The following NMBR variants were observed in gnomAD, a reference collection of about 807,000 sequenced individuals.
The protein encoded by NMBR is neuromedin B receptor, also known as neuromedin-B receptor.
Under a neutral mutation model 20.5 loss-of-function variants are expected in NMBR, and 16 were observed. The observed-to-expected ratio is 0.78, with a 90% CI of 0.53 to 1.19. The LOEUF (loss-of-function observed/expected upper bound fraction) is 1.19, where lower values mean the gene tolerates loss of function less well. NMBR is among the 50% of genes most tolerant of loss of function. The pLI is 0.00. For missense variants in NMBR, 582 were observed against 499.1 expected (o/e 1.17, Z -1.58); for synonymous variants, 212 against 196.6 (o/e 1.08, Z -0.65).
At chr6:142,142,996 G>C (rs987160954) in intron 1 of NMBR, among the ~76,000 whole-genome samples, 5 of 152,224 alleles carry the variant, frequency 3.3e-5, no homozygotes, top group South Asian at 2.1e-4. Context: ...GAGGTAAGAG[G>C]ATGACTTGAG....
chr6:142,098,168 T>C (rs1215398809), intron 1 of NMBR, among the ~76,000 whole-genome samples: 1 of 152,048 alleles, frequency 6.6e-6, no homozygotes, highest in African/African-American at 2.4e-5. Context: ...TAATGAAAGC[T>C]AAACCCTTCA....
chr6:142,108,869 C>T (rs1445675764), intron 1 of NMBR, among the ~76,000 whole-genome samples: 1 of 152,192 alleles, frequency 6.6e-6, no homozygotes, highest in African/African-American at 2.4e-5. Flanking sequence ...TCATCTGAGA[C>T]AAGGCAAGTT....
intron 1 of NMBR, among the ~76,000 whole-genome samples, chr6:142,102,117 G>C (rs370378467): frequency 6.6e-6 from 1 of 152,150 alleles, no homozygotes. Flanking sequence ...AGCTGGGCGC[G>C]GTGGCTCACG....
intron 1 of NMBR, among the ~76,000 whole-genome samples, chr6:142,143,605 C>T (rs1206428300): frequency 6.6e-6 from 1 of 152,154 alleles, no homozygotes; most frequent in Middle Eastern, 3.2e-3. Context: ...TAAACCATGT[C>T]GAGTAAGGCT....
chr6:142,084,805 C>G (rs1365316087), intron 2 of NMBR, among the ~76,000 whole-genome samples: 2 of 152,238 alleles, frequency 1.3e-5, no homozygotes, highest in East Asian at 3.9e-4. Context: ...ATAACTATAA[C>G]GCCAACCAGG....
intron 2 of NMBR, among the ~76,000 whole-genome samples, chr6:142,082,983 A>G (rs1777129176): frequency 1.3e-5 from 2 of 152,208 alleles, no homozygotes; most frequent in African/African-American, 4.8e-5. Flanking sequence ...GTGTGTCCCA[A>G]AAGTTTCAGA....
chr6:142,075,765 G>C lies in NMBR; in HGVS notation c.1056C>G (p.Ser352Arg). The C allele has an allele frequency of 6.2e-7, 1 of 1,614,076 alleles. No individual in the cohort carries two copies. Among genetic ancestry groups the C allele is most frequent in the South Asian group, 1.1e-5 (1 of 91,078 alleles). Residue 352 changes from serine (S) to arginine (R), a missense_variant, in exon 4 of 4, where the codon AGC (serine) becomes AGG (arginine). Coordinates refer to ENST00000258042, the MANE Select transcript of NMBR (RefSeq NM_002511.4). ...GCACCGCTGAAGAGCTGAGTAGGTA[G>C]CTGGTTCCTCTCTCTTGATAGGACT... ...GRKSYQERGT[S>R]YLLSSSAVRM...
chr6:142,105,273 C>T (rs987331676), intron 1 of NMBR, among the ~76,000 whole-genome samples: 6 of 152,042 alleles, frequency 3.9e-5, no homozygotes, highest in Admixed American at 2.6e-4. Flanking sequence ...CAGTTGCTTC[C>T]GGCCATCTGG....
chr6:142,116,818 G>A (rs1212286282), intron 1 of NMBR, among the ~76,000 whole-genome samples: 1 of 151,846 alleles, frequency 6.6e-6, no homozygotes, highest in Non-Finnish European at 1.5e-5. Flanking sequence ...TACTGTAAAT[G>A]TTATTCACTG....
rs534513651 is a variant in NMBR, at chr6:142,091,345, C to T, written c.-663-2024G>A. Among the ~76,000 whole-genome samples, 484 of 152,240 alleles carry T rather than the reference C, an allele frequency of 3.2e-3. 3 individuals carry two copies. Among genetic ancestry groups the T allele is most frequent in the African/African-American group, 0.011 (471 of 41,542 alleles). ...TCAAACAATTCTCCTGCCTCACCTT[C>T]CCCATGTAGCTGGGACCGCAAGTGT... is the stretch of plus-strand genomic sequence containing the variant. On this transcript the variant is annotated intron_variant, in intron 1 of 3. Coordinates refer to ENST00000258042, the MANE Select transcript of NMBR (RefSeq NM_002511.4).
At chr6:142,087,493 G>T (rs1019463097) in intron 2 of NMBR, among the ~76,000 whole-genome samples, 1 of 151,964 alleles carries the variant, frequency 6.6e-6, no homozygotes, top group East Asian at 1.9e-4. Flanking sequence ...ACATTCCCTG[G>T]GCCTCAATAT....
chr6:142,115,015 C>T (rs895883826), intron 1 of NMBR, among the ~76,000 whole-genome samples: 1 of 152,102 alleles, frequency 6.6e-6, no homozygotes, highest in African/African-American at 2.4e-5. Context: ...TGGCAAGAAG[C>T]TAAATCTGCA....
intron 2 of NMBR, among the ~76,000 whole-genome samples, chr6:142,086,021 C>CTT (rs201667912): frequency 1.7e-5 from 2 of 114,960 alleles, no homozygotes; most frequent in Admixed American, 1.7e-4. Flanking sequence ...CTCCTGTACT[C>CTT]TTTTTTTTTT....
chr6:142,091,786 G>A (rs1344109591), intron 1 of NMBR, among the ~76,000 whole-genome samples: 1 of 152,122 alleles, frequency 6.6e-6, no homozygotes, highest in Non-Finnish European at 1.5e-5. Context: ...CTATATAAAT[G>A]AAGTATACAT....
chr6:142,078,926 G>A, intron 2 of NMBR, 23 bp from the exon 3 acceptor site: 1 of 1,420,546 alleles, frequency 7.0e-7, no homozygotes, highest in South Asian at 1.5e-5. Flanking sequence ...TACATCTCAA[G>A]TTATTCCAGA....
intron 1 of NMBR, among the ~76,000 whole-genome samples, chr6:142,130,487 G>T (rs948918808): frequency 2.0e-5 from 3 of 152,082 alleles, no homozygotes; most frequent in Non-Finnish European, 4.4e-5. Context: ...TATCTTAAGA[G>T]CACTTCAGAA....
intron 1 of NMBR, among the ~76,000 whole-genome samples, chr6:142,111,117 G>C (rs779344469): frequency 1.3e-5 from 2 of 151,956 alleles, no homozygotes; most frequent in Non-Finnish European, 2.9e-5. Context: ...GCATGCGCGT[G>C]TATTCCCAAC....
chr6:142,088,669 C>T lies in NMBR; in HGVS notation c.-11G>A. The T allele has an allele frequency of 1.9e-6, 3 of 1,590,344 alleles. No individual in the cohort carries two copies. Among genetic ancestry groups the T allele is most frequent in the Non-Finnish European group, 2.6e-6 (3 of 1,173,370 alleles). On this transcript the variant is annotated 5_prime_UTR_variant, in exon 2 of 4. Coordinates refer to ENST00000258042, the MANE Select transcript of NMBR (RefSeq NM_002511.4). ...AGACTTAGAGGGCATGATCTCCTTT[C>T]CAGCAGAGTCCGCTGGAGTTTTCAC...
intron 1 of NMBR, among the ~76,000 whole-genome samples, chr6:142,124,000 A>T (rs1777990091): frequency 1.3e-5 from 2 of 151,952 alleles, no homozygotes; most frequent in African/African-American, 4.8e-5. Context: ...TATAATGAGA[A>T]CGAAGATGGA....
Sources: gnomAD v4.1 joint callset for allele counts (sites outside exome capture counted in the v4.1 genomes callset) on GRCh38, gnomAD v4.1.1 for gene constraint, MANE v1.5 for transcripts, NCBI Gene and HGNC (gene_info 2026-07-23, HGNC 2026-07-21) for gene names.